Variants in USP11 observed in about 807,000 individuals in gnomAD.
USP11 encodes the protein ubiquitin specific peptidase 11, also known as ubiquitin carboxyl-terminal hydrolase 11.
A neutral mutation model predicts 72.8 loss-of-function variants in USP11; 5 were observed. That is an observed-to-expected ratio of 0.07 (90% confidence interval 0.04 to 0.14). The LOEUF (loss-of-function observed/expected upper bound fraction) is 0.14. USP11 is among the 10% of genes least tolerant of loss of function. USP11 has a pLI of 1.00. For synonymous variants in USP11, 368 were observed against 326.5 expected, an observed-to-expected ratio of 1.13 and a Z score of -1.37; for missense variants, 480 against 794.7, an observed-to-expected ratio of 0.60 and a Z score of 4.76.
Position 47,244,907 on chromosome X carries a change from C to G in USP11, c.2069C>G (p.Ser690Cys), listed in dbSNP as rs1482982454. ...NSNGTSDRTT[S>C]PEEVHAQPYI... is the part of the protein sequence containing the mutation. ...AATGGGACCAGCGACCGCACAACCT[C>G]CCCTGAAGAAGTCCATGGTATTTCC... Residue 690 changes from serine (S) to cysteine (C), a missense_variant, in exon 15 of 21, where the codon TCC (serine) becomes TGC (cysteine). By Grantham distance (112) the Ser-to-Cys change is moderately radical. Transcript: ENST00000377107. 3 of 1,211,959 alleles carry G rather than the reference C, an allele frequency of 2.5e-6. No individual in the cohort carries two copies. Among genetic ancestry groups the G allele is most frequent in the Non-Finnish European group, 3.3e-6 (3 of 895,533 alleles).
At chrX:47,245,326 G>T (rs756349861) in intron 16 of USP11, 44 bp from the exon 17 acceptor site, 2 of 1,136,218 alleles carry the variant, frequency 1.8e-6, no homozygotes, top group Non-Finnish European at 2.4e-6. Context: ...TTCTCCATCT[G>T]TCCTCACAGC....
intron 17 of USP11, 132 bp downstream of exon 17, chrX:47,245,614 G>A (rs1459755752): frequency 5.4e-5 from 23 of 427,227 alleles, no homozygotes; most frequent in Non-Finnish European, 8.3e-5. Context: ...GTACAATCTC[G>A]GCTCAGTGCA....
At position 47,242,529 on chromosome X, in the gene USP11, C is replaced by T; in HGVS notation, c.1488+7C>T. The T allele has an allele frequency of 8.3e-7, 1 of 1,211,773 alleles. No individual in the cohort carries two copies. Among genetic ancestry groups the T allele is most frequent in the Non-Finnish European group, 1.1e-6 (1 of 895,321 alleles). ...GGGCATCTCGCCAGAGAGGGTGAGA[C>T]TGCAGAAGGAGGCTGGATGGGATTC... is the stretch of plus-strand genomic sequence containing the variant. On this transcript the variant is annotated splice_region_variant and intron_variant, in intron 11 of 20. Coordinates refer to ENST00000377107, the MANE Select transcript of USP11 (RefSeq NM_001371072.1).
rs185770528 is a variant in USP11, at chrX:47,244,084, C to T, written c.1791-414C>T. Among the ~76,000 whole-genome samples, 204 of 108,015 alleles carry T rather than the reference C, an allele frequency of 1.9e-3. 3 individuals are homozygous for T. The East Asian group carries it at 0.045, about 24-fold the overall frequency. The allele number at this position is 108,015 out of a possible 115,157, so 93.8% of individuals were successfully genotyped here. A position where few individuals can be genotyped will look rare whatever the true frequency, so the allele number is the denominator to read the frequency against. Reference sequence around the variant, plus strand: ...AGCAGTGGCTTATTAGAGTAAAAGTCCACGCTCCATACCTTTTTTTTTTTT... The same window carrying T: ...AGCAGTGGCTTATTAGAGTAAAAGTTCACGCTCCATACCTTTTTTTTTTTT... On this transcript the variant is annotated intron_variant, in intron 13 of 20. Coordinates refer to ENST00000377107, the MANE Select transcript of USP11 (RefSeq NM_001371072.1).
chrX:47,244,118 A>G (rs1201114278), intron 13 of USP11, among the ~76,000 whole-genome samples: 66 of 66,623 alleles, frequency 9.9e-4, no homozygotes, highest in African/African-American at 4.7e-3. Context: ...TTTTTTTTTG[A>G]GATGGAGTCT....
Position 47,244,793 on chromosome X carries a change from C to T in USP11, c.1955C>T (p.Pro652Leu). 9 of 1,210,641 alleles carry T rather than the reference C, an allele frequency of 7.4e-6. No homozygotes were observed. The highest frequency in any genetic ancestry group is 1.0e-5 in the Non-Finnish European group (9 of 895,141). The change falls in exon 15 of 21, where the codon CCG becomes CTG. Residue 652 changes from proline to leucine, a missense_variant. By Grantham distance (98) the Pro-to-Leu change is moderately conservative (BLOSUM62 -3). Transcript: ENST00000377107. ...AGCTCTGGAGTCACGAACAGGTGCCCGTTCCTCCTGGACAATTGCCTTGGC... is the reference window on the plus strand; with the variant it reads ...AGCTCTGGAGTCACGAACAGGTGCCTGTTCCTCCTGGACAATTGCCTTGGC... ...GPSSGVTNRC[P>L]FLLDNCLGTS...
intron 13 of USP11, among the ~76,000 whole-genome samples, 187 bp downstream of exon 13, chrX:47,243,789 G>A (rs1354062719): frequency 8.9e-6 from 1 of 112,073 alleles, no homozygotes; most frequent in African/African-American, 3.2e-5. Context: ...TGTCTTGGGT[G>A]CTAGGGATAC....
chrX:47,241,346 C>T lies in USP11; in HGVS notation c.916C>T (p.Arg306Cys), dbSNP rs774953438. 7 of 1,209,815 alleles carry T rather than the reference C, an allele frequency of 5.8e-6. No individual in the cohort carries two copies. The highest frequency in any genetic ancestry group is 3.0e-5 in the East Asian group (1 of 33,770). ...NNCYLEELNF[R>C]NPLGMKGEIA... ...CTGCTACCTGGAGGAGCTCAACTTC[C>T]GCAACCCACTGGGCATGAAGGGTGA... Residue 306 changes from arginine to cysteine, a missense_variant, in exon 8 of 21, where the codon CGC (arginine) becomes TGC (cysteine). Arg to Cys is a radical substitution (Grantham distance 180, BLOSUM62 -3). Around this residue, in one of 5 missense-constraint regions of USP11, gnomAD observed 314 missense variants for 556.0 expected, o/e 0.56. Transcript: ENST00000377107.
chrX:47,243,618 C>G lies in USP11; in HGVS notation c.1790+16C>G, dbSNP rs74596936. ...ACCGGCTCTCGTAAGTGTCCTCTTC[C>G]CCGGGGGTGGGGGGCGGAGGGGTCT... On this transcript the variant is annotated intron_variant, in intron 13 of 20. Coordinates refer to ENST00000377107, the MANE Select transcript of USP11 (RefSeq NM_001371072.1). 8,578 of 1,206,246 alleles carry G rather than the reference C, an allele frequency of 7.1e-3. 274 individuals are homozygous for G. The Admixed American group carries it at 0.11, about 15-fold the overall frequency.
At chrX:47,237,773 C>T (rs1434671920) in intron 1 of USP11, among the ~76,000 whole-genome samples, 1 of 91,717 alleles carries the variant, frequency 1.1e-5, no homozygotes, top group Admixed American at 1.2e-4. Flanking sequence ...CACAGCAGAA[C>T]AGGTGTGTGT....
In USP11 at chrX:47,241,514, C is replaced by G. The variant is rs780547639; in HGVS notation, c.1021-27C>G. On this transcript the variant is annotated intron_variant, in intron 8 of 20. Coordinates refer to ENST00000377107, the MANE Select transcript of USP11 (RefSeq NM_001371072.1). The stretch of plus-strand genomic sequence containing the variant: ...TCTTGGCTCTCCTAACTCCCTCTCT[C>G]TCTGATGACCCTGCCCATCTTCTTA... The G allele has an allele frequency of 1.3e-5, 15 of 1,186,757 alleles. No individual in the cohort carries two copies. In the East Asian group the frequency reaches 4.2e-4, roughly 33 times the overall value.
chrX:47,243,722 C>A (rs2055416370), intron 13 of USP11, 120 bp downstream of exon 13: 3 of 708,997 alleles, frequency 4.2e-6, no homozygotes, highest in Non-Finnish European at 6.2e-6. Flanking sequence ...CTTAACATGG[C>A]CATAGAAGAA....
At chrX:47,239,004 A>T in intron 1 of USP11, 66 bp from the exon 2 acceptor site, 1 of 754,073 alleles carries the variant, frequency 1.3e-6, no homozygotes, top group South Asian at 2.3e-5. Flanking sequence ...TCTGTTGGGC[A>T]TGGGAAGTTG....
chrX:47,247,042 T>A, intron 17 of USP11, 30 bp from the exon 18 acceptor site: 1 of 1,159,772 alleles, frequency 8.6e-7, no homozygotes. Flanking sequence ...AAAGAAAAAG[T>A]CCGTTTGCTG....
intron 1 of USP11, among the ~76,000 whole-genome samples, chrX:47,237,801 TGTGTGTGTGTGTG>T (rs1261228053): frequency 9.5e-6 from 1 of 105,736 alleles, no homozygotes; most frequent in Admixed American, 1.0e-4. Context: ...TGTGTGTGTG[TGTGTGTGTGTGTG>T]TGTGTGTGTG....
chrX:47,247,798 G>A lies in USP11; in HGVS notation c.2631G>A (p.Lys877=). The A allele has an allele frequency of 8.3e-7, 1 of 1,208,083 alleles. No individual in the cohort carries two copies. Among genetic ancestry groups the A allele is most frequent in the Non-Finnish European group, 1.1e-6 (1 of 893,843 alleles). ...CTCCTGTCCTCTCCCCACAGTCCAA[G>A]GCAGCCTATGTCCTCTTCTACCAAC... ...SPVNENQIES[K]AAYVLFYQRQ... Residue 877 remains lysine (K), a synonymous_variant, in exon 21 of 21, where the codon AAG becomes AAA. Coordinates refer to ENST00000377107, the MANE Select transcript of USP11 (RefSeq NM_001371072.1).
chrX:47,246,017 C>T (rs1310771178), intron 17 of USP11, among the ~76,000 whole-genome samples: 1 of 111,494 alleles, frequency 9.0e-6, no homozygotes, highest in Non-Finnish European at 1.9e-5. Flanking sequence ...CCTTACGATG[C>T]TCAGGTCTCC....
At chrX:47,241,124 C>T (rs1232350126) in intron 7 of USP11, 153 bp from the exon 8 acceptor site, 3 of 612,919 alleles carry the variant, frequency 4.9e-6, no homozygotes, top group Non-Finnish European at 7.4e-6. Context: ...AATCCTAATG[C>T]CTTCTCTCCC....
At position 47,245,013 on chromosome X, in the gene USP11, C is replaced by T. The variant is rs12835672; in HGVS notation, c.2087-3C>T. 2.5e-6 allele frequency: 3 copies of T among 1,210,191 alleles called. No individual in the cohort carries two copies. Among genetic ancestry groups the T allele is most frequent in the African/African-American group, 1.7e-5 (1 of 57,279 alleles). On this transcript the variant is annotated splice_region_variant and splice_polypyrimidine_tract_variant and intron_variant, in intron 15 of 20. Coordinates refer to ENST00000377107, the MANE Select transcript of USP11 (RefSeq NM_001371072.1). ...TCCATGACCACCTCTCCCTCACCCC[C>T]AGCCCAGCCGTACATTGCTATCGAC...
Sources: gnomAD v4.1 joint callset for allele counts (sites outside exome capture counted in the v4.1 genomes callset) on GRCh38, gnomAD v4.1.1 for gene constraint, gnomAD v4.1.1 regional missense constraint, MANE v1.5 for transcripts, NCBI Gene and HGNC (gene_info 2026-07-23, HGNC 2026-07-21) for gene names.